The following ABCA13 variants were observed in gnomAD, a reference collection of about 807,000 sequenced individuals.
ABCA13 encodes ATP-binding cassette sub-family A member 13.
In ABCA13, 476 loss-of-function variants were observed where a neutral mutation model predicts 478.7. The ratio of observed to expected loss-of-function variants is 0.99; its 90% CI spans 0.92 to 1.07. ABCA13 has a LOEUF of 1.07. Among genes scored for constraint, ABCA13 ranks in the 50% least tolerant of loss-of-function variants. The probability of loss-of-function intolerance (pLI) is 0.00; values close to 1 mark genes in which losing one functional copy is unlikely to be tolerated. For synonymous variants in ABCA13, 2,252 were observed against 2,158.9 expected, an observed-to-expected ratio of 1.04 and a Z score of -1.20; for missense variants, 6,060 against 5,910.6, an observed-to-expected ratio of 1.03 and a Z score of -0.83.
At chr7:48,182,330 T>C (rs965894019) in intron 1 of ABCA13, among the ~76,000 whole-genome samples, 1 of 152,248 alleles carries the variant, frequency 6.6e-6, no homozygotes, top group Non-Finnish European at 1.5e-5. Flanking sequence ...TTTTAGATAC[T>C]TTCCCAATTG....
chr7:48,358,191 C>A (rs185356951), intron 31 of ABCA13, among the ~76,000 whole-genome samples: 1 of 122,600 alleles, frequency 8.2e-6, no homozygotes, highest in Non-Finnish European at 1.6e-5. Context: ...CAGGACAGGA[C>A]AGGACAGGAA....
chr7:48,290,473 A>G (rs1426514658), intron 20 of ABCA13, among the ~76,000 whole-genome samples: 1 of 152,200 alleles, frequency 6.6e-6, no homozygotes, highest in Non-Finnish European at 1.5e-5. Context: ...TTTGGCCTAG[A>G]TGCCTCTGCT....
intron 56 of ABCA13, among the ~76,000 whole-genome samples, chr7:48,582,587 G>A (rs574601008): frequency 6.6e-6 from 1 of 152,236 alleles, no homozygotes; most frequent in East Asian, 1.9e-4. Context: ...TATGATTCTA[G>A]TGCAAGACCC....
chr7:48,275,707 G>A lies in ABCA13; in HGVS notation c.6041G>A (p.Ser2014Asn), dbSNP rs774040382. The stretch of plus-strand genomic sequence containing the variant: ...GTACAATTGATTTCTGAAGACTGGA[G>A]CCTAGAAAAAAGTACGCATAATCTA... Reference protein sequence around the residue: ...RTVQLISEDWSLEKSTHNLLS... With the variant: ...RTVQLISEDWNLEKSTHNLLS... Residue 2014 changes from serine to asparagine, a missense_variant, in exon 17 of 62, where the codon AGC (serine) becomes AAC (asparagine). Physicochemically the swap from Ser to Asn is conservative, Grantham distance 46. This residue lies in a region of ABCA13 where 4,423 missense variants were observed against 4,309.1 expected (regional missense o/e 1.03). Coordinates refer to ENST00000435803, the MANE Select transcript of ABCA13 (RefSeq NM_152701.5). The A allele has an allele frequency of 1.9e-6, 3 of 1,600,194 alleles. No individual in the cohort carries two copies. The highest frequency in any genetic ancestry group is 3.5e-5 in the Admixed American group (2 of 57,548).
intron 27 of ABCA13, among the ~76,000 whole-genome samples, chr7:48,334,098 T>G (rs912283044): frequency 6.6e-6 from 1 of 152,108 alleles, no homozygotes; most frequent in African/African-American, 2.4e-5. Context: ...TGTGAGGTAT[T>G]TTGGCTGGGG....
At chr7:48,497,139 C>G (rs1284280999) in intron 48 of ABCA13, among the ~76,000 whole-genome samples, 1 of 151,866 alleles carries the variant, frequency 6.6e-6, no homozygotes, top group Admixed American at 6.6e-5. Context: ...GTTTATTTCT[C>G]TATGTTATTT....
At chr7:48,280,819 C>T (rs1454708978) in intron 18 of ABCA13, among the ~76,000 whole-genome samples, 1 of 152,190 alleles carries the variant, frequency 6.6e-6, no homozygotes, top group Non-Finnish European at 1.5e-5. Context: ...ACTATTGCTA[C>T]CTAGGAATTT....
At chr7:48,638,452 T>G (rs1794857454) in intron 59 of ABCA13, among the ~76,000 whole-genome samples, 1 of 152,220 alleles carries the variant, frequency 6.6e-6, no homozygotes. Flanking sequence ...CAGAAGTGTA[T>G]TGAGGCTGTT....
At chr7:48,408,232 C>T (rs572105582) in intron 39 of ABCA13, among the ~76,000 whole-genome samples, 2 of 152,210 alleles carry the variant, frequency 1.3e-5, no homozygotes, top group African/African-American at 4.8e-5. Context: ...CCCTCCTTCT[C>T]CTCCCTCCCT....
chr7:48,603,415 T>G (rs1791119756), intron 58 of ABCA13, among the ~76,000 whole-genome samples: 1 of 152,154 alleles, frequency 6.6e-6, no homozygotes, highest in Non-Finnish European at 1.5e-5. Flanking sequence ...CAATACCTAG[T>G]TTATTGAGAG....
At chr7:48,506,529 A>C in intron 49 of ABCA13, 139 bp downstream of exon 49, 4 of 913,244 alleles carry the variant, frequency 4.4e-6, no homozygotes, top group Non-Finnish European at 6.9e-6. Context: ...TGCCCACAGG[A>C]CTTGGGCATT....
At chr7:48,608,551 CTGTT>C (rs1003532017) in intron 58 of ABCA13, among the ~76,000 whole-genome samples, 4 of 152,346 alleles carry the variant, frequency 2.6e-5, no homozygotes, top group South Asian at 2.1e-4. Context: ...TTGGCTTTTT[CTGTT>C]TGTTTGGCTC....
intron 3 of ABCA13, among the ~76,000 whole-genome samples, chr7:48,199,888 C>T (rs1040389004): frequency 1.3e-5 from 2 of 152,130 alleles, no homozygotes; most frequent in Non-Finnish European, 2.9e-5. Flanking sequence ...GCTCTGTTAC[C>T]TGTGGTTCTG....
intron 29 of ABCA13, among the ~76,000 whole-genome samples, chr7:48,341,812 GAT>G (rs770333822): frequency 6.2e-5 from 3 of 48,384 alleles, no homozygotes; most frequent in African/African-American, 8.0e-5. Flanking sequence ...TTTCTTTTCT[GAT>G]ATATATATAT....
At chr7:48,576,074 T>C (rs1181722037) in intron 55 of ABCA13, among the ~76,000 whole-genome samples, 1 of 152,160 alleles carries the variant, frequency 6.6e-6, no homozygotes, top group Non-Finnish European at 1.5e-5. Context: ...TTATAAGTCA[T>C]CTAGAAATGA....
intron 55 of ABCA13, among the ~76,000 whole-genome samples, chr7:48,535,461 G>A (rs1198956651): frequency 1.3e-5 from 2 of 152,226 alleles, no homozygotes; most frequent in South Asian, 2.1e-4. Flanking sequence ...TTTTTGTTTA[G>A]TGTGCTGGTT....
chr7:48,449,325 C>T (rs540730897), intron 42 of ABCA13, among the ~76,000 whole-genome samples: 13 of 152,096 alleles, frequency 8.5e-5, no homozygotes, highest in Non-Finnish European at 1.9e-4. Context: ...TCTCCTCTTC[C>T]CTTTTCTATT....
At position 48,344,126 on chromosome 7, in the gene ABCA13, T is replaced by C. The variant is rs77840349; in HGVS notation, c.10204+5671T>C. On this transcript the variant is annotated intron_variant, in intron 29 of 61. Coordinates refer to ENST00000435803, the MANE Select transcript of ABCA13 (RefSeq NM_152701.5). ...AGAAGTTATTGTGACTCAGTTCATA[T>C]CAGTAGTTCTCAACTGAGGATGATT... is the stretch of plus-strand genomic sequence containing the variant. 5.3e-5 allele frequency among the ~76,000 whole-genome samples: 8 copies of C among 152,328 alleles called. No individual in the cohort carries two copies. The East Asian group carries it at 1.5e-3, about 29-fold the overall frequency.
intron 3 of ABCA13, among the ~76,000 whole-genome samples, chr7:48,212,033 C>G (rs1226037873): frequency 6.6e-6 from 1 of 152,172 alleles, no homozygotes; most frequent in Admixed American, 6.5e-5. Flanking sequence ...GACTGCAGTT[C>G]TTGTGGCCTG....
Sources: allele counts gnomAD v4.1 joint callset (sites outside exome capture counted in the v4.1 genomes callset), GRCh38; gene constraint gnomAD v4.1.1; regional missense constraint gnomAD v4.1.1; transcripts MANE v1.5; gene names NCBI Gene and HGNC (gene_info 2026-07-23, HGNC 2026-07-21).